The following TRIM37 variants were observed in gnomAD, a reference collection of about 807,000 sequenced individuals.
TRIM37 encodes the protein tripartite motif containing 37, also known as E3 ubiquitin-protein ligase TRIM37.
In TRIM37, 80 loss-of-function variants were observed where a neutral mutation model predicts 129.8. The observed-to-expected ratio is 0.62, with a 90% CI of 0.51 to 0.74. TRIM37 has a LOEUF of 0.74. Among genes scored for constraint, TRIM37 ranks in the 30% least tolerant of loss-of-function variants. The pLI, the probability that TRIM37 is intolerant of heterozygous loss-of-function variation, is 0.00. For synonymous variants in TRIM37, 389 were observed against 387.1 expected (o/e 1.00, Z -0.06); for missense variants, 1,054 against 1,176.5 (o/e 0.90, Z 1.52).
intron 16 of TRIM37, among the ~76,000 whole-genome samples, chr17:59,046,600 G>C (rs1872324683): frequency 6.6e-6 from 1 of 150,842 alleles, no homozygotes; most frequent in African/African-American, 2.4e-5. Flanking sequence ...GCCGTGGCGT[G>C]ATCTTAGCTC....
chr17:58,998,582 A>G lies in TRIM37; in HGVS notation c.*795T>C. 1.0e-6 allele frequency: 1 copy of G among 985,476 alleles called. No individual in the cohort carries two copies. 61.0% of individuals were successfully genotyped at this position (985,476 alleles called of 1,614,324 possible). ...TGTGTTGACACTGAAATCAATGTAC[A>G]ACTAATGAAAATAAAGAAGAAAAGG... On this transcript the variant is annotated 3_prime_UTR_variant, in exon 24 of 24. Coordinates refer to ENST00000262294, the MANE Select transcript of TRIM37 (RefSeq NM_015294.6).
chr17:59,020,803 T>C (rs2036516664), intron 19 of TRIM37, among the ~76,000 whole-genome samples: 1 of 152,192 alleles, frequency 6.6e-6, no homozygotes, highest in Admixed American at 6.5e-5. Flanking sequence ...AAAATGGCTT[T>C]TATCCAAAAC....
chr17:59,010,552 G>A (rs2035126746), intron 22 of TRIM37, among the ~76,000 whole-genome samples: 1 of 152,112 alleles, frequency 6.6e-6, no homozygotes, highest in South Asian at 2.1e-4. Context: ...GGAGTGCAGT[G>A]GCGTGATCTC....
At chr17:59,036,448 GT>G (rs2038505876) in intron 17 of TRIM37, among the ~76,000 whole-genome samples, 309 of 21,544 alleles carry the variant, frequency 0.014, 2 homozygotes, top group Admixed American at 0.033. Flanking sequence ...TTTGCTGGGG[GT>G]GTGTGTGTGT....
chr17:59,079,699 A>T, intron 7 of TRIM37, 55 bp downstream of exon 7: 2 of 1,609,318 alleles, frequency 1.2e-6, no homozygotes, highest in Non-Finnish European at 1.7e-6. Flanking sequence ...TCAAAGACTG[A>T]ATCTCAAAGA....
Position 59,041,852 on chromosome 17 carries a change from C to T in TRIM37, c.1714G>A (p.Gly572Arg), listed in dbSNP as rs897800253. The change falls in exon 17 of 24, where the codon GGA becomes AGA. Residue 572 changes from glycine (G) to arginine (R), a missense_variant. By Grantham distance (125) the Gly-to-Arg change is moderately radical. Transcript: ENST00000262294. ...VEYNNMELEE[G>R]ELMEDAAAAG... ...GCAGCTGCATCTTCCATGAGTTCTC[C>T]CTCTTCTAATTCCATGTTGTTATAT... The T allele has an allele frequency of 1.7e-5, 28 of 1,613,868 alleles. No homozygotes were observed. Among genetic ancestry groups the T allele is most frequent in the Non-Finnish European group, 2.3e-5 (27 of 1,179,850 alleles).
chr17:59,086,028 G>A (rs2043720833), intron 4 of TRIM37, among the ~76,000 whole-genome samples: 1 of 152,108 alleles, frequency 6.6e-6, no homozygotes, highest in South Asian at 2.1e-4. Flanking sequence ...CCAGGGGCTG[G>A]TGCGAAGAAG....
intron 15 of TRIM37, among the ~76,000 whole-genome samples, chr17:59,048,426 TG>T (rs1346542351): frequency 1.3e-5 from 2 of 152,104 alleles, no homozygotes; most frequent in Non-Finnish European, 2.9e-5. Flanking sequence ...CAACTGTCTA[TG>T]CATCCCTTCT....
rs766736510 is a variant in TRIM37 at position 59,061,082 on chromosome 17, G to A, written c.969C>T (p.Tyr323=). The A allele has an allele frequency of 6.2e-7, 1 of 1,613,652 alleles. No homozygotes were observed. The highest frequency in any genetic ancestry group is 8.5e-7 in the Non-Finnish European group (1 of 1,179,724). ...YPDGNGVVRG[Y]YLSVFLELSA... is the part of the protein sequence containing the mutation. ...AGAGCTCCAGAAACACAGATAAGTA[G>A]TAACCTCGCACAACTCCATTTCCAT... Residue 323 remains tyrosine, a synonymous_variant, in exon 12 of 24, where the codon TAC becomes TAT. Coordinates refer to ENST00000262294, the MANE Select transcript of TRIM37 (RefSeq NM_015294.6).
chr17:58,976,620 GA>G, the TRIM37 span, among the ~76,000 whole-genome samples: 1 of 152,224 alleles, frequency 6.6e-6, no homozygotes, highest in African/African-American at 2.4e-5. Flanking sequence ...AACATATGGA[GA>G]GAAGAGGTTG....
rs2037549760 is a variant in TRIM37 at position 59,029,100 on chromosome 17, T to G, written c.1949-377A>C. ...AGAAAAATCTAGAAACCAAATACTT[T>G]GTCAAATCTGCCATATATAACATTA... On this transcript the variant is annotated intron_variant, in intron 18 of 23. Coordinates refer to ENST00000262294, the MANE Select transcript of TRIM37 (RefSeq NM_015294.6). 3.9e-5 allele frequency among the ~76,000 whole-genome samples: 6 copies of G among 152,206 alleles called. No homozygotes were observed. The South Asian group carries it at 1.2e-3, about 32-fold the overall frequency.
At chr17:59,023,793 T>C (rs1272030999) in intron 19 of TRIM37, among the ~76,000 whole-genome samples, 1 of 152,132 alleles carries the variant, frequency 6.6e-6, no homozygotes, top group African/African-American at 2.4e-5. Context: ...TAAGAAACTG[T>C]TGAGGTACCT....
At chr17:58,969,437 G>A in the TRIM37 span, 13 of 1,079,976 alleles carry the variant, frequency 1.2e-5, no homozygotes, top group African/African-American at 1.9e-4. Context: ...AATGACAAAT[G>A]CAGTGGAGGA....
At chr17:58,979,732 C>G (rs2031250890), downstream of TRIM37, among the ~76,000 whole-genome samples, 1 of 152,188 alleles carries the variant, frequency 6.6e-6, no homozygotes, top group Non-Finnish European at 1.5e-5. Context: ...GATTCAGAGT[C>G]TAAGCTAGGT....
intron 19 of TRIM37, among the ~76,000 whole-genome samples, chr17:59,019,360 G>T (rs2036310767): frequency 6.6e-6 from 1 of 152,136 alleles, no homozygotes; most frequent in Non-Finnish European, 1.5e-5. Context: ...ACCTTGAAAG[G>T]GCTGTGTTAA....
intron 2 of TRIM37, among the ~76,000 whole-genome samples, chr17:59,102,273 G>A (rs2045584673): frequency 6.6e-6 from 1 of 152,092 alleles, no homozygotes; most frequent in Non-Finnish European, 1.5e-5. Flanking sequence ...TGCATTTAAG[G>A]GGCAGGAGGA....
chr17:59,106,594 G>T lies in TRIM37; in HGVS notation c.-133C>A. 1 of 1,046,074 alleles carries T rather than the reference G, an allele frequency of 9.6e-7. No individual in the cohort carries two copies. Among genetic ancestry groups the T allele is most frequent in the Non-Finnish European group, 1.4e-6 (1 of 694,340 alleles). The allele number at this position is 1,046,074 out of a possible 1,614,324, so 64.8% of individuals were successfully genotyped here. A position where few individuals can be genotyped will look rare whatever the true frequency, so the allele number is the denominator to read the frequency against. On this transcript the variant is annotated 5_prime_UTR_variant, in exon 1 of 24. Transcript: ENST00000262294. ...CCCACGTCAGGGGGCTCTGACAACC[G>T]CCCCACCTGCGCGCCCCATCTCTTC...
intron 20 of TRIM37, 61 bp downstream of exon 20, chr17:59,017,235 T>C (rs2036058541): frequency 1.3e-6 from 2 of 1,591,806 alleles, no homozygotes; most frequent in Admixed American, 3.3e-5. Context: ...CACGATAACA[T>C]CAATTTCAGG....
At chr17:59,067,541 G>A (rs1302317775) in intron 9 of TRIM37, among the ~76,000 whole-genome samples, 5 of 152,188 alleles carry the variant, frequency 3.3e-5, no homozygotes, top group Non-Finnish European at 5.9e-5. Flanking sequence ...AAACTGCTGA[G>A]CTATATAAAA....
Sources: allele counts gnomAD v4.1 joint callset (sites outside exome capture counted in the v4.1 genomes callset), GRCh38; gene constraint gnomAD v4.1.1; transcripts MANE v1.5; gene names NCBI Gene and HGNC (gene_info 2026-07-23, HGNC 2026-07-21).